Variants in PHACTR4 observed in about 807,000 individuals in gnomAD.
The protein encoded by PHACTR4 is protein phosphatase 1, regulatory subunit 124.
In PHACTR4, 51 loss-of-function variants were observed where a neutral mutation model predicts 72.7. The ratio of observed to expected loss-of-function variants is 0.70; its 90% confidence interval spans 0.56 to 0.89. The LOEUF (loss-of-function observed/expected upper bound fraction) is 0.89, where lower values mean the gene tolerates loss of function less well. Among genes scored for constraint, PHACTR4 ranks in the 40% least tolerant of loss-of-function variants. PHACTR4 has a pLI of 0.00. For missense variants in PHACTR4, 731 were observed against 861.8 expected (o/e 0.85, Z 1.90); for synonymous variants, 255 against 302.5 (o/e 0.84, Z 1.63).
At chr1:28,487,518 C>CAAAAAAAAAAAAA (rs796633179) in intron 9 of PHACTR4, among the ~76,000 whole-genome samples, 1 of 77,336 alleles carries the variant, frequency 1.3e-5, no homozygotes, top group South Asian at 5.1e-4. Flanking sequence ...GACACACACA[C>CAAAAAAAAAAAAA]AAAAAAAAAA....
intron 2 of PHACTR4, among the ~76,000 whole-genome samples, chr1:28,410,022 A>G (rs1654667584): frequency 8.5e-6 from 1 of 117,042 alleles, no homozygotes; most frequent in East Asian, 2.8e-4. Context: ...GCTGGAGTGC[A>G]GTGGGGTGAT....
At chr1:28,393,918 G>T (rs955426152) in intron 1 of PHACTR4, among the ~76,000 whole-genome samples, 1 of 151,596 alleles carries the variant, frequency 6.6e-6, no homozygotes, top group Non-Finnish European at 1.5e-5. Context: ...TTGCCATGTT[G>T]CCCAGACTGG....
intron 6 of PHACTR4, among the ~76,000 whole-genome samples, chr1:28,470,148 T>C (rs927483128): frequency 2.6e-5 from 4 of 151,872 alleles, no homozygotes; most frequent in African/African-American, 9.7e-5. Context: ...ATCCCAGCAT[T>C]TGGGGAGGCC....
At chr1:28,396,348 A>G (rs12078122) in intron 1 of PHACTR4, among the ~76,000 whole-genome samples, 43,427 of 151,268 alleles carry the variant, frequency 0.29, 6,472 homozygotes, top group Middle Eastern at 0.34. Context: ...CCTGGCCAAC[A>G]TGGTGAAATC....
At chr1:28,396,530 CA>C (rs888182603) in intron 1 of PHACTR4, among the ~76,000 whole-genome samples, 15 of 137,538 alleles carry the variant, frequency 1.1e-4, no homozygotes, top group Admixed American at 2.2e-4. Context: ...AACTCTGTCT[CA>C]AAAAAAAAAG....
chr1:28,371,296 A>T (rs950140562), intron 1 of PHACTR4, among the ~76,000 whole-genome samples: 3 of 151,866 alleles, frequency 2.0e-5, no homozygotes, highest in African/African-American at 7.2e-5. Context: ...TAATTTATTT[A>T]TATTTATTTA....
At chr1:28,383,123 T>A (rs912179407) in intron 1 of PHACTR4, among the ~76,000 whole-genome samples, 1 of 152,172 alleles carries the variant, frequency 6.6e-6, no homozygotes, top group Admixed American at 6.6e-5. Flanking sequence ...GGGGAATTCC[T>A]CATTGCCTAT....
intron 8 of PHACTR4, among the ~76,000 whole-genome samples, chr1:28,478,595 C>A (rs34363724): frequency 0.089 from 13,479 of 151,922 alleles, 1,292 homozygotes; most frequent in African/African-American, 0.24. Flanking sequence ...CCATGCCCAG[C>A]TCATTTTAGT....
intron 10 of PHACTR4, among the ~76,000 whole-genome samples, chr1:28,490,230 T>G (rs1411055316): frequency 1.3e-5 from 2 of 152,148 alleles, no homozygotes; most frequent in African/African-American, 4.8e-5. Flanking sequence ...ACAAGAAAAT[T>G]GTTTTGTTTA....
intron 3 of PHACTR4, 38 bp from the exon 4 acceptor site, chr1:28,460,174 G>C (rs199960014): frequency 1.4e-6 from 2 of 1,431,958 alleles, no homozygotes; most frequent in African/African-American, 1.4e-5. Context: ...ACTTTCAACT[G>C]TCACATTTCT....
At chr1:28,374,075 G>A (rs1458128686) in intron 1 of PHACTR4, among the ~76,000 whole-genome samples, 1 of 152,176 alleles carries the variant, frequency 6.6e-6, no homozygotes, top group African/African-American at 2.4e-5. Flanking sequence ...TAAACAATGA[G>A]TCTTTCTCTT....
Position 28,469,860 on chromosome 1 carries a change from A to G in PHACTR4, c.823+3092A>G, listed in dbSNP as rs769856229. ...CGCTTGAGGCCCAGAGTTTGAGACC[A>G]GCCTGGGCAACATGGTGAAACCCCA... On this transcript the variant is annotated intron_variant, in intron 6 of 13. Transcript: ENST00000373839. Among the ~76,000 whole-genome samples the G allele has an allele frequency of 5.3e-5, 8 of 152,126 alleles. No homozygotes were observed. The South Asian group carries it at 1.2e-3, about 24-fold the overall frequency.
At chr1:28,375,967 G>T in intron 1 of PHACTR4, among the ~76,000 whole-genome samples, 1 of 152,078 alleles carries the variant, frequency 6.6e-6, no homozygotes, top group Admixed American at 6.6e-5. Flanking sequence ...TACTTGGGAG[G>T]CTGAGGCAGG....
intron 2 of PHACTR4, among the ~76,000 whole-genome samples, chr1:28,446,386 C>G (rs1366474617): frequency 6.6e-6 from 1 of 152,138 alleles, no homozygotes; most frequent in Non-Finnish European, 1.5e-5. Flanking sequence ...GAAGTGGGAC[C>G]TGGTGGGAGG....
intron 2 of PHACTR4, among the ~76,000 whole-genome samples, chr1:28,421,385 G>GT (rs1451593465): frequency 2.0e-5 from 3 of 149,504 alleles, no homozygotes; most frequent in African/African-American, 2.5e-5. Flanking sequence ...AGATTCGTGG[G>GT]TTTTTTTGTT....
At chr1:28,432,963 C>A in intron 2 of PHACTR4, 1 of 374,760 alleles carries the variant, frequency 2.7e-6, no homozygotes, top group South Asian at 1.1e-4. Context: ...CCAGGCTGGT[C>A]TTGAACTCCT....
chr1:28,470,168 A>G (rs183929579), intron 6 of PHACTR4, among the ~76,000 whole-genome samples: 1 of 152,074 alleles, frequency 6.6e-6, no homozygotes, highest in East Asian at 1.9e-4. Context: ...CGAGGTGGGA[A>G]GATCACTTGA....
intron 1 of PHACTR4, among the ~76,000 whole-genome samples, chr1:28,390,034 C>G (rs1250765042): frequency 3.3e-5 from 5 of 152,118 alleles, no homozygotes; most frequent in African/African-American, 1.2e-4. Context: ...ACTATTCAGC[C>G]TTGAAAAAGA....
chr1:28,372,336 A>G (rs1651310892), intron 1 of PHACTR4, among the ~76,000 whole-genome samples: 1 of 152,214 alleles, frequency 6.6e-6, no homozygotes, highest in Admixed American at 6.6e-5. Context: ...TTCCTGCCCT[A>G]GCCGAGTAGG....
Sources: allele counts gnomAD v4.1 joint callset (sites outside exome capture counted in the v4.1 genomes callset), GRCh38; gene constraint gnomAD v4.1.1; transcripts MANE v1.5; gene names NCBI Gene and HGNC (gene_info 2026-07-23, HGNC 2026-07-21).